The following NCAM2 variants were observed in gnomAD, a reference collection of about 807,000 sequenced individuals.
NCAM2 encodes the protein neural cell adhesion molecule 2, also known as N-CAM-2.
Under a neutral mutation model 98.1 loss-of-function variants are expected in NCAM2, and 30 were observed. The ratio of observed to expected loss-of-function variants is 0.31; its 90% confidence interval spans 0.23 to 0.41. The LOEUF (loss-of-function observed/expected upper bound fraction) is 0.41. Among genes scored for constraint, NCAM2 ranks in the 10% least tolerant of loss-of-function variants. The pLI is 1.00. For missense variants in NCAM2, 867 were observed against 1,005.8 expected, an observed-to-expected ratio of 0.86 and a Z score of 1.87; for synonymous variants, 368 against 342.4, an observed-to-expected ratio of 1.07 and a Z score of -0.83.
chr21:21,474,996 T>C (rs560993830), intron 14 of NCAM2, among the ~76,000 whole-genome samples: 201 of 149,082 alleles, frequency 1.3e-3, no homozygotes, highest in African/African-American at 4.6e-3. Context: ...ATAACACATA[T>C]ATAATACATT....
In NCAM2 at chr21:21,520,140, C is replaced by A. The variant is rs560360104; in HGVS notation, c.2282+11085C>A. 6.6e-5 allele frequency among the ~76,000 whole-genome samples: 10 copies of A among 152,084 alleles called. No homozygotes were observed. The South Asian group carries it at 2.1e-3, about 32-fold the overall frequency. ...ATTTACTCAAGCATAATTTACTAAG[C>A]ATTAATATTAAAAATATTTATTAAA... On this transcript the variant is annotated intron_variant, in intron 16 of 17. Coordinates refer to ENST00000400546, the MANE Select transcript of NCAM2 (RefSeq NM_004540.5).
intron 1 of NCAM2, among the ~76,000 whole-genome samples, chr21:21,034,764 C>T (rs925688576): frequency 6.6e-6 from 1 of 152,064 alleles, no homozygotes; most frequent in Non-Finnish European, 1.5e-5. Flanking sequence ...TTTTTCTCTC[C>T]AGTCCCTCAT....
intron 1 of NCAM2, among the ~76,000 whole-genome samples, chr21:21,182,029 A>T (rs1043666801): frequency 1.6e-5 from 2 of 124,914 alleles, no homozygotes; most frequent in East Asian, 2.1e-4. Flanking sequence ...CACCATCTCT[A>T]AAAAAAAAAA....
intron 16 of NCAM2, among the ~76,000 whole-genome samples, chr21:21,514,508 G>C (rs1012936205): frequency 6.7e-6 from 1 of 150,000 alleles, no homozygotes; most frequent in Non-Finnish European, 1.5e-5. Flanking sequence ...TGTTTTCTCT[G>C]GTGAACAGAA....
intron 16 of NCAM2, among the ~76,000 whole-genome samples, chr21:21,532,854 TCTTA>T (rs770379205): frequency 1.8e-4 from 28 of 152,212 alleles, no homozygotes; most frequent in East Asian, 3.9e-4. Flanking sequence ...ACTCTGTAGA[TCTTA>T]CTTACTTGGG....
intron 16 of NCAM2, among the ~76,000 whole-genome samples, chr21:21,523,959 A>C: frequency 6.6e-6 from 1 of 152,070 alleles, no homozygotes; most frequent in African/African-American, 2.4e-5. Flanking sequence ...CCTGAAAATT[A>C]TAATTATCTA....
chr21:21,126,833 G>A (rs1197871594), intron 1 of NCAM2, among the ~76,000 whole-genome samples: 2 of 151,916 alleles, frequency 1.3e-5, no homozygotes, highest in Non-Finnish European at 2.9e-5. Flanking sequence ...ACTGTCATAC[G>A]TGTGTATTAT....
intron 1 of NCAM2, among the ~76,000 whole-genome samples, chr21:21,207,753 T>C (rs1031691739): frequency 1.3e-5 from 2 of 152,088 alleles, no homozygotes; most frequent in Non-Finnish European, 2.9e-5. Flanking sequence ...AAACTAAAAC[T>C]TTAAATATAG....
intron 14 of NCAM2, among the ~76,000 whole-genome samples, chr21:21,469,582 C>A (rs751228943): frequency 6.6e-6 from 1 of 151,852 alleles, no homozygotes; most frequent in Non-Finnish European, 1.5e-5. Context: ...TTAGTGCTAT[C>A]CAAATTAATT....
At chr21:21,516,052 T>C (rs541258641) in intron 16 of NCAM2, among the ~76,000 whole-genome samples, 29 of 152,160 alleles carry the variant, frequency 1.9e-4, no homozygotes, top group Non-Finnish European at 3.4e-4. Context: ...GCATACCGTA[T>C]GTCCATGTAT....
At chr21:21,316,874 A>T (rs549914871) in intron 5 of NCAM2, among the ~76,000 whole-genome samples, 2 of 152,234 alleles carry the variant, frequency 1.3e-5, no homozygotes, top group Admixed American at 1.3e-4. Context: ...AATAAAACAA[A>T]TATAGCCCCT....
chr21:21,002,243 C>A (rs2064032531), intron 1 of NCAM2, among the ~76,000 whole-genome samples: 1 of 151,928 alleles, frequency 6.6e-6, no homozygotes, highest in Admixed American at 6.6e-5. Flanking sequence ...GAATCGGAGC[C>A]CATAGAGCAA....
intron 1 of NCAM2, among the ~76,000 whole-genome samples, chr21:21,135,665 C>G (rs1013088526): frequency 4.6e-5 from 7 of 152,166 alleles, no homozygotes; most frequent in Non-Finnish European, 8.8e-5. Flanking sequence ...ACTATCTCCA[C>G]TATTTCCGTG....
At chr21:21,073,718 C>T (rs113451074) in intron 1 of NCAM2, among the ~76,000 whole-genome samples, 1 of 152,206 alleles carries the variant, frequency 6.6e-6, no homozygotes, top group Non-Finnish European at 1.5e-5. Context: ...GAAGCCCACT[C>T]CATACAACCA....
intron 1 of NCAM2, among the ~76,000 whole-genome samples, chr21:21,248,754 G>A (rs1247463928): frequency 9.1e-6 from 1 of 109,634 alleles, no homozygotes; most frequent in Non-Finnish European, 1.7e-5. Context: ...TCCAGCCTGG[G>A]CAACAGAGCA....
chr21:21,168,750 A>G (rs1338373134), intron 1 of NCAM2, among the ~76,000 whole-genome samples: 2 of 152,206 alleles, frequency 1.3e-5, no homozygotes, highest in South Asian at 4.1e-4. Flanking sequence ...TCTAAGAGCC[A>G]TATGAAGACA....
intron 1 of NCAM2, among the ~76,000 whole-genome samples, chr21:21,201,082 T>TA (rs751973766): frequency 1.3e-5 from 2 of 152,166 alleles, no homozygotes; most frequent in Non-Finnish European, 2.9e-5. Context: ...AGACTACTGA[T>TA]ACTTCCTAAT....
At chr21:21,198,790 A>G (rs2069103347) in intron 1 of NCAM2, among the ~76,000 whole-genome samples, 1 of 152,172 alleles carries the variant, frequency 6.6e-6, no homozygotes, top group Non-Finnish European at 1.5e-5. Flanking sequence ...CTTAGCACAT[A>G]AAAAAGTACT....
At chr21:21,071,870 CCTATCTATCTATCTATCTAT>C (rs35549924) in intron 1 of NCAM2, among the ~76,000 whole-genome samples, 54 of 138,172 alleles carry the variant, frequency 3.9e-4, no homozygotes, top group Middle Eastern at 3.6e-3. Flanking sequence ...GTCATGTCTG[CCTATCTATCTATCTATCTAT>C]CTATCTATCT....
Sources: gnomAD v4.1 joint callset for allele counts (sites outside exome capture counted in the v4.1 genomes callset) on GRCh38, gnomAD v4.1.1 for gene constraint, MANE v1.5 for transcripts, NCBI Gene and HGNC (gene_info 2026-07-23, HGNC 2026-07-21) for gene names.